SEPTIN14: variants seen among roughly 807,000 people sequenced by gnomAD.
The protein encoded by SEPTIN14 is septin 14.
SEPTIN14 carries 40 observed loss-of-function variants against 53.6 expected under a neutral mutation model. The observed-to-expected ratio is 0.75, with a 90% CI of 0.58 to 0.97. The LOEUF (loss-of-function observed/expected upper bound fraction) is 0.97. Among genes scored for constraint, SEPTIN14 ranks in the 50% least tolerant of loss-of-function variants. The pLI, the probability that SEPTIN14 is intolerant of heterozygous loss-of-function variation, is 0.00. For missense variants in SEPTIN14, 471 were observed against 508.2 expected, an observed-to-expected ratio of 0.93 and a Z score of 0.70; for synonymous variants, 138 against 166.8, an observed-to-expected ratio of 0.83 and a Z score of 1.33.
chr7:55,799,455 T>C (rs1361461425), intron 9 of SEPTIN14, among the ~76,000 whole-genome samples: 1 of 145,570 alleles, frequency 6.9e-6, no homozygotes, highest in African/African-American at 2.6e-5. Flanking sequence ...GAGGTAGAGG[T>C]TGCAGTGAGC....
chr7:55,861,980 A>G lies in SEPTIN14; in HGVS notation c.17T>C (p.Met6Thr), dbSNP rs768509043. The G allele has an allele frequency of 4.0e-5, 63 of 1,584,060 alleles. 1 individual carries two copies. The highest frequency in any genetic ancestry group is 5.0e-5 in the Non-Finnish European group (59 of 1,168,632). The change falls in exon 2 of 10, where the codon ATG (methionine) becomes ACG (threonine). Residue 6 changes from methionine to threonine, a missense_variant. Coordinates refer to ENST00000388975, the MANE Select transcript of SEPTIN14 (RefSeq NM_207366.3). MAERT[M>T]AMPTQIPADG... ...AGCAGGTATTTGTGTGGGCATAGCCATTGTTCTTTCTGCCATGCTACACTA... is the reference window on the plus strand; with the variant it reads ...AGCAGGTATTTGTGTGGGCATAGCCGTTGTTCTTTCTGCCATGCTACACTA...
chr7:55,842,927 A>T lies in SEPTIN14; in HGVS notation c.558+15T>A. The T allele has an allele frequency of 6.8e-7, 1 of 1,463,196 alleles. No homozygotes were observed. Among genetic ancestry groups the T allele is most frequent in the South Asian group, 1.4e-5 (1 of 72,998 alleles). The allele number at this position is 1,463,196 out of a possible 1,614,324, so 90.6% of individuals were successfully genotyped here. On this transcript the variant is annotated intron_variant, in intron 5 of 9. Transcript: ENST00000388975. ...CGTCTCAAAAAAAAAAAGATGGTAG[A>T]TTTACCAAACATACCTTACTGTCAA... is the stretch of plus-strand genomic sequence containing the variant.
In SEPTIN14 at chr7:55,810,561, G is replaced by A. The variant is rs1372811438; in HGVS notation, c.818-3303C>T. Among the ~76,000 whole-genome samples, 3 of 145,352 alleles carry A rather than the reference G, an allele frequency of 2.1e-5. No individual in the cohort carries two copies. In the Admixed American group the frequency reaches 2.1e-4, roughly 10 times the overall value. On this transcript the variant is annotated intron_variant, in intron 7 of 9. Coordinates refer to ENST00000388975, the MANE Select transcript of SEPTIN14 (RefSeq NM_207366.3). ...ACGATCTTGGCTCACTGCAACCTCTGCCTCCCGGGTTTAAGCAATTCTCCT... is the reference window on the plus strand; with the variant it reads ...ACGATCTTGGCTCACTGCAACCTCTACCTCCCGGGTTTAAGCAATTCTCCT...
At position 55,834,601 on chromosome 7, in the gene SEPTIN14, G is replaced by C. The variant is rs374505726; in HGVS notation, c.559-15C>G. On this transcript the variant is annotated splice_polypyrimidine_tract_variant and intron_variant, in intron 5 of 9. Coordinates refer to ENST00000388975, the MANE Select transcript of SEPTIN14 (RefSeq NM_207366.3). Reference sequence around the variant, plus strand: ...ATAATATTCACCTATGAAGAAAGAAGACAAACAAAATCTCATCATTGTTCA... The same window carrying C: ...ATAATATTCACCTATGAAGAAAGAACACAAACAAAATCTCATCATTGTTCA... 19 of 1,570,088 alleles carry C rather than the reference G, an allele frequency of 1.2e-5. No individual in the cohort carries two copies. Among genetic ancestry groups the C allele is most frequent in the Non-Finnish European group, 1.6e-5 (19 of 1,159,562 alleles).
chr7:55,854,027 G>A (rs1385197878), intron 2 of SEPTIN14, among the ~76,000 whole-genome samples: 16 of 152,104 alleles, frequency 1.1e-4, no homozygotes, highest in African/African-American at 3.1e-4. Context: ...AGGCTGAGGC[G>A]GGAGAATCAC....
chr7:55,845,458 A>G (rs1789386681), intron 3 of SEPTIN14, among the ~76,000 whole-genome samples: 1 of 152,182 alleles, frequency 6.6e-6, no homozygotes, highest in African/African-American at 2.4e-5. Flanking sequence ...TTCAAACAGG[A>G]GTAGAAATAA....
chr7:55,854,204 A>C (rs1789567913), intron 2 of SEPTIN14, among the ~76,000 whole-genome samples: 1 of 152,218 alleles, frequency 6.6e-6, no homozygotes, highest in African/African-American at 2.4e-5. Flanking sequence ...TGACTCAATA[A>C]GTGAAAAATA....
chr7:55,821,651 T>C (rs1210923379), intron 6 of SEPTIN14, among the ~76,000 whole-genome samples: 2 of 152,162 alleles, frequency 1.3e-5, no homozygotes, highest in South Asian at 2.1e-4. Flanking sequence ...GGTTAATCCC[T>C]CCTTACCTAT....
At chr7:55,797,138 AAGAG>A (rs1025302152) in intron 9 of SEPTIN14, among the ~76,000 whole-genome samples, 38 of 152,164 alleles carry the variant, frequency 2.5e-4, no homozygotes, top group Middle Eastern at 3.4e-3. Flanking sequence ...AAGAAAAAAA[AAGAG>A]AGAGAGAAAA....
intron 2 of SEPTIN14, among the ~76,000 whole-genome samples, chr7:55,857,707 C>G (rs1285304362): frequency 6.7e-6 from 1 of 149,194 alleles, no homozygotes; most frequent in African/African-American, 2.5e-5. Flanking sequence ...CCTGCCTCAG[C>G]CTCCCGAGCA....
chr7:55,835,963 G>A (rs972244221), intron 5 of SEPTIN14, among the ~76,000 whole-genome samples: 2 of 151,906 alleles, frequency 1.3e-5, no homozygotes, highest in African/African-American at 2.4e-5. Context: ...GGCTAGTCTC[G>A]AACTCCTGAC....
At position 55,805,318 on chromosome 7, in the gene SEPTIN14, T is replaced by C; in HGVS notation, c.1059A>G (p.Lys353=). The C allele has an allele frequency of 1.2e-6, 2 of 1,610,490 alleles. No homozygotes were observed. The highest frequency in any genetic ancestry group is 1.7e-6 in the Non-Finnish European group (2 of 1,177,920). Residue 353 remains lysine, a synonymous_variant, in exon 9 of 10, where the codon AAA becomes AAG. Transcript: ENST00000388975. ...DQCQREEEEL[K]QRFMQRVKEK... ...CCTTGACTCGCTGCATAAATCTCTG[T>C]TTCAACTCTTCTTCTTCCCTCTGAC...
At chr7:55,819,596 C>A (rs1788859131) in intron 6 of SEPTIN14, among the ~76,000 whole-genome samples, 1 of 152,038 alleles carries the variant, frequency 6.6e-6, no homozygotes, top group Admixed American at 6.6e-5. Flanking sequence ...CACACACACA[C>A]AAAAATGACA....
At chr7:55,817,589 C>T (rs1402900166) in intron 7 of SEPTIN14, among the ~76,000 whole-genome samples, 3 of 151,728 alleles carry the variant, frequency 2.0e-5, no homozygotes, top group Non-Finnish European at 4.4e-5. Flanking sequence ...CCTGCCTCAG[C>T]CTCCCAAGTA....
intron 6 of SEPTIN14, among the ~76,000 whole-genome samples, chr7:55,827,598 C>T (rs867623466): frequency 2.6e-5 from 4 of 152,324 alleles, no homozygotes; most frequent in South Asian, 2.1e-4. Context: ...CTACTGTTCA[C>T]GTTCATCATT....
rs766115986 is a variant in SEPTIN14, at chr7:55,844,547, C to G, written c.347G>C (p.Gly116Ala). 1.2e-5 allele frequency: 19 copies of G among 1,567,166 alleles called. No individual in the cohort carries two copies. The highest frequency in any genetic ancestry group is 1.7e-5 in the Admixed American group (1 of 58,206). ...KLTVVETVGYGDQIDKEASYQ... is the reference protein window; with the variant it reads ...KLTVVETVGYADQIDKEASYQ... ...CCTGGCTTCTTTGTCTATTTGATCA[C>G]CATACCCTACTGTCTCCACAACAGT... Residue 116 changes from glycine to alanine, a missense_variant, in exon 4 of 10, where the codon GGT becomes GCT. Gly to Ala is a moderately conservative substitution (Grantham distance 60, BLOSUM62 0). Transcript: ENST00000388975.
chr7:55,811,699 A>G (rs1268851067), intron 7 of SEPTIN14, among the ~76,000 whole-genome samples: 2 of 151,134 alleles, frequency 1.3e-5, no homozygotes, highest in African/African-American at 4.9e-5. Flanking sequence ...GGGTTTCACC[A>G]TGTTGGCCAG....
intron 6 of SEPTIN14, among the ~76,000 whole-genome samples, chr7:55,825,947 A>G (rs1375551356): frequency 6.6e-6 from 1 of 152,134 alleles, no homozygotes; most frequent in Non-Finnish European, 1.5e-5. Context: ...ATCAAAATAC[A>G]AAAAATTAGC....
rs995847153 is a variant in SEPTIN14, at chr7:55,834,315, C to T, written c.720+110G>A. Reference sequence around the variant, plus strand: ...CTAAATAAATCTGTTTACAAAGAATCGATTCTCAGCAGAAGCTTTACAAAA... The same window carrying T: ...CTAAATAAATCTGTTTACAAAGAATTGATTCTCAGCAGAAGCTTTACAAAA... On this transcript the variant is annotated intron_variant, in intron 6 of 9. Transcript: ENST00000388975. 5.1e-5 allele frequency: 35 copies of T among 684,922 alleles called. No homozygotes were observed. The South Asian group carries it at 7.0e-4, about 14-fold the overall frequency. 42.4% of individuals were successfully genotyped at this position (684,922 alleles called of 1,614,324 possible). A position where few individuals can be genotyped will look rare whatever the true frequency, so the allele number is the denominator to read the frequency against.
Sources: gnomAD v4.1 joint callset for allele counts (sites outside exome capture counted in the v4.1 genomes callset) on GRCh38, gnomAD v4.1.1 for gene constraint, MANE v1.5 for transcripts, NCBI Gene and HGNC (gene_info 2026-07-23, HGNC 2026-07-21) for gene names.